The following VIPR2 variants were observed in gnomAD, a reference collection of about 807,000 sequenced individuals.
VIPR2 encodes the protein vasoactive intestinal polypeptide receptor 2.
Under a neutral mutation model 58.0 loss-of-function variants are expected in VIPR2, and 48 were observed. The ratio of observed to expected loss-of-function variants is 0.83; its 90% CI spans 0.66 to 1.05. VIPR2 has a LOEUF of 1.05. Among genes scored for constraint, VIPR2 ranks in the 50% least tolerant of loss-of-function variants. The probability of loss-of-function intolerance (pLI) is 0.00; values close to 1 mark genes in which losing one functional copy is unlikely to be tolerated. For missense variants in VIPR2, 534 were observed against 558.0 expected, an observed-to-expected ratio of 0.96 and a Z score of 0.43; for synonymous variants, 243 against 235.2, an observed-to-expected ratio of 1.03 and a Z score of -0.30.
intron 4 of VIPR2, among the ~76,000 whole-genome samples, chr7:159,070,713 G>A (rs144144363): frequency 6.6e-6 from 1 of 152,312 alleles, no homozygotes; most frequent in Non-Finnish European, 1.5e-5. Context: ...ATTAAAATTT[G>A]TGTTTGTCTT....
intron 2 of VIPR2, among the ~76,000 whole-genome samples, chr7:159,133,472 C>T (rs1388528567): frequency 1.3e-5 from 2 of 152,284 alleles, no homozygotes; most frequent in Non-Finnish European, 2.9e-5. Context: ...TAGAAAAAAA[C>T]TGGCAAATGG....
chr7:159,038,643 C>T (rs1456576501), intron 6 of VIPR2, among the ~76,000 whole-genome samples: 2 of 152,052 alleles, frequency 1.3e-5, no homozygotes, highest in East Asian at 3.9e-4. Flanking sequence ...TGCAACGTGC[C>T]TTCTTTTGTC....
intron 2 of VIPR2, among the ~76,000 whole-genome samples, chr7:159,110,670 A>G (rs1039997917): frequency 7.2e-6 from 1 of 139,218 alleles, no homozygotes; most frequent in Non-Finnish European, 1.5e-5. Context: ...AGTATCAGAA[A>G]AGCAATGTGC....
intron 3 of VIPR2, among the ~76,000 whole-genome samples, chr7:159,107,668 G>C (rs1223318397): frequency 6.6e-6 from 1 of 151,724 alleles, no homozygotes; most frequent in African/African-American, 2.4e-5. Flanking sequence ...GTTAGGACCT[G>C]AAGGAGCTGC....
intron 2 of VIPR2, among the ~76,000 whole-genome samples, chr7:159,118,586 T>C (rs530820373): frequency 8.8e-4 from 134 of 152,340 alleles, no homozygotes; most frequent in African/African-American, 3.1e-3. Context: ...AATGGAAACG[T>C]AGCCGCCATT....
At chr7:159,073,580 G>A (rs1018033817) in intron 4 of VIPR2, among the ~76,000 whole-genome samples, 3 of 152,022 alleles carry the variant, frequency 2.0e-5, no homozygotes, top group Non-Finnish European at 2.9e-5. Flanking sequence ...ACCCCACCTG[G>A]CTAATTTTTG....
intron 5 of VIPR2, among the ~76,000 whole-genome samples, chr7:159,045,722 T>C (rs1211219325): frequency 6.6e-6 from 1 of 152,158 alleles, no homozygotes; most frequent in African/African-American, 2.4e-5. Flanking sequence ...ATTTCTTATG[T>C]TCTTATGTAT....
Position 159,031,452 on chromosome 7 carries a change from C to T in VIPR2, c.1143+376G>A. 1 of 985,376 alleles carries T rather than the reference C, an allele frequency of 1.0e-6. No individual in the cohort carries two copies. Among genetic ancestry groups the T allele is most frequent in the Non-Finnish European group, 1.2e-6 (1 of 829,862 alleles). 61.0% of individuals were successfully genotyped at this position (985,376 alleles called of 1,614,324 possible). ...CCCCAGGGACTCACAGGACGCTGTG[C>T]AGCCCCACCCCCCAACCCAGGCCCG... On this transcript the variant is annotated intron_variant, in intron 12 of 12. Coordinates refer to ENST00000262178, the MANE Select transcript of VIPR2 (RefSeq NM_003382.5). The surrounding 1 kb of genome is among the most constrained non-coding windows in gnomAD (Gnocchi z 4.0).
At chr7:159,112,662 C>T (rs1244143888) in intron 2 of VIPR2, among the ~76,000 whole-genome samples, 2 of 128,324 alleles carry the variant, frequency 1.6e-5, no homozygotes, top group Admixed American at 7.5e-5. Flanking sequence ...CCGAGAGCCC[C>T]GACTGTGAGG....
chr7:159,127,161 C>T lies in VIPR2; in HGVS notation c.151+15285G>A, dbSNP rs1378447829. Among the ~76,000 whole-genome samples the T allele has an allele frequency of 6.6e-6, 1 of 152,202 alleles. No individual in the cohort carries two copies. The highest frequency in any genetic ancestry group is 1.5e-5 in the Non-Finnish European group (1 of 68,038). ...TGACTCAGATACGCTGACATTCTGT[C>T]TAATTAGTGCGCTGCATGCATCCCA... On this transcript the variant is annotated intron_variant, in intron 2 of 12. Coordinates refer to ENST00000262178, the MANE Select transcript of VIPR2 (RefSeq NM_003382.5). The surrounding 1 kb of genome is among the most constrained non-coding windows in gnomAD (Gnocchi z 4.6).
intron 4 of VIPR2, among the ~76,000 whole-genome samples, chr7:159,061,346 T>C (rs1411806554): frequency 1.8e-5 from 1 of 56,068 alleles, no homozygotes; most frequent in East Asian, 7.7e-4. Context: ...AAAATAAAAG[T>C]TGAAAAAAAA....
At chr7:159,050,119 T>C (rs1381532624) in intron 5 of VIPR2, among the ~76,000 whole-genome samples, 1 of 152,032 alleles carries the variant, frequency 6.6e-6, no homozygotes, top group Non-Finnish European at 1.5e-5. Context: ...GGTGGATCAC[T>C]TGAGATCAGG....
rs1388376929 is a variant in VIPR2 at position 159,093,067 on chromosome 7, G to A, written c.357+10690C>T. 3.3e-5 allele frequency among the ~76,000 whole-genome samples: 5 copies of A among 152,136 alleles called. No homozygotes were observed. Among genetic ancestry groups the A allele is most frequent in the Non-Finnish European group, 7.3e-5 (5 of 68,028 alleles). ...AGCCATCCACTTCTGCACTGGTGCC[G>A]TCCACTCAGAGAACCCGTCTAGCAG... On this transcript the variant is annotated intron_variant, in intron 4 of 12. Transcript: ENST00000262178. This position sits in a 1 kb window ranked among gnomAD's most constrained non-coding sequence, Gnocchi z 6.7.
chr7:159,136,182 T>C (rs112608566), intron 2 of VIPR2, among the ~76,000 whole-genome samples: 4,593 of 152,280 alleles, frequency 0.03, 220 homozygotes, highest in African/African-American at 0.1. Flanking sequence ...AATGGCTTTC[T>C]TGCTGGCGGG....
At chr7:159,066,468 G>A (rs998994749) in intron 4 of VIPR2, among the ~76,000 whole-genome samples, 1 of 151,642 alleles carries the variant, frequency 6.6e-6, no homozygotes, top group Non-Finnish European at 1.5e-5. Context: ...GCCTGTTCCC[G>A]CACCATCTGT....
In VIPR2 at chr7:159,093,542, C is replaced by A. The variant is rs1036496435; in HGVS notation, c.357+10215G>T. Among the ~76,000 whole-genome samples, 4 of 152,198 alleles carry A rather than the reference C, an allele frequency of 2.6e-5. No individual in the cohort carries two copies. Among genetic ancestry groups the A allele is most frequent in the African/African-American group, 9.7e-5 (4 of 41,444 alleles). Reference sequence around the variant, plus strand: ...TCACAAAAATAACCACTTCCCTGGGCTGAAAACTCCCCTGGAGTCTGTCAG... The same window carrying A: ...TCACAAAAATAACCACTTCCCTGGGATGAAAACTCCCCTGGAGTCTGTCAG... On this transcript the variant is annotated intron_variant, in intron 4 of 12. Coordinates refer to ENST00000262178, the MANE Select transcript of VIPR2 (RefSeq NM_003382.5). The surrounding 1 kb of genome is among the most constrained non-coding windows in gnomAD (Gnocchi z 6.7).
rs186398445 is a variant in VIPR2, at chr7:159,103,799, G to A, written c.315C>T (p.Phe105=). Residue 105 remains phenylalanine (F), a synonymous_variant, in exon 4 of 13, where the codon TTC becomes TTT. Coordinates refer to ENST00000262178, the MANE Select transcript of VIPR2 (RefSeq NM_003382.5). ...SDGWSETFPD[F]VDACGYSDPE... is the part of the protein sequence containing the mutation. ...GGTCGCTGTAGCCACAGGCATCGAC[G>A]AAATCTGGGAACGTCTCTGACCATC... The A allele has an allele frequency of 1.4e-5, 23 of 1,614,144 alleles. No individual in the cohort carries two copies. Among genetic ancestry groups the A allele is most frequent in the East Asian group, 2.2e-5 (1 of 44,878 alleles).
At chr7:159,052,460 G>C (rs1405738558) in intron 5 of VIPR2, among the ~76,000 whole-genome samples, 1 of 152,110 alleles carries the variant, frequency 6.6e-6, no homozygotes, top group East Asian at 1.9e-4. Flanking sequence ...TGGCTCTTCT[G>C]GTGACTTCTT....
chr7:159,073,848 C>T (rs188443078), intron 4 of VIPR2, among the ~76,000 whole-genome samples: 73 of 152,310 alleles, frequency 4.8e-4, no homozygotes, highest in African/African-American at 1.7e-3. Flanking sequence ...GTGGAGCTGT[C>T]TGTCCATCTA....
Sources: gnomAD v4.1 joint callset for allele counts (sites outside exome capture counted in the v4.1 genomes callset) on GRCh38, gnomAD v4.1.1 for gene constraint, Gnocchi (gnomAD v3.1) non-coding constraint, MANE v1.5 for transcripts, NCBI Gene and HGNC (gene_info 2026-07-23, HGNC 2026-07-21) for gene names.